RP1: variants seen among roughly 807,000 people sequenced by gnomAD.
The protein encoded by RP1 is oxygen-regulated protein 1.
A neutral mutation model predicts 14.8 loss-of-function variants in RP1; 16 were observed. The observed-to-expected ratio is 1.08, with a 90% CI of 0.73 to 1.65. RP1 has a LOEUF of 1.65. RP1 is among the 40% of genes most tolerant of loss of function. RP1 has a pLI of 0.00. For missense variants in RP1, 2,631 were observed against 2,535.0 expected (o/e 1.04, Z -0.81); for synonymous variants, 876 against 883.6 (o/e 0.99, Z 0.15).
chr8:54,573,638 G>A (rs936890468), intron 1 of RP1, among the ~76,000 whole-genome samples: 2 of 152,256 alleles, frequency 1.3e-5, no homozygotes, highest in Admixed American at 6.5e-5. Context: ...AATACAAGAA[G>A]TCCCACTCAA....
chr8:54,614,801 C>T (rs866793413), upstream of RP1, among the ~76,000 whole-genome samples: 1 of 152,132 alleles, frequency 6.6e-6, no homozygotes, highest in Non-Finnish European at 1.5e-5. Flanking sequence ...GGCCCTGGCC[C>T]ACCTTTGATA....
At chr8:54,791,227 C>G (rs539722566) in intron 24 of RP1, among the ~76,000 whole-genome samples, 1 of 152,010 alleles carries the variant, frequency 6.6e-6, no homozygotes, top group South Asian at 2.1e-4. Flanking sequence ...AACCTGCCAA[C>G]CAAGAATACT....
At chr8:54,817,879 G>T (rs1811171212) in intron 24 of RP1, among the ~76,000 whole-genome samples, 1 of 152,108 alleles carries the variant, frequency 6.6e-6, no homozygotes, top group Non-Finnish European at 1.5e-5. Context: ...AGTTCCACTA[G>T]CAGAGAAAGT....
rs764736213 is a variant in RP1 at position 54,720,149 on chromosome 8, T to C, written c.2232T>C (p.Cys744=). Residue 744 remains cysteine, a synonymous_variant, in exon 16 of 23, where the codon TGT becomes TGC. Transcript: ENST00000636932. ...TGTAGGGTACAGGAGATGTTGACTG[T>C]CATTTTAAAATTAAGAAGAACTTGA... 20 of 1,534,846 alleles carry C rather than the reference T, an allele frequency of 1.3e-5. 1 individual carries two copies. In the South Asian group the frequency reaches 2.4e-4, roughly 18 times the overall value.
chr8:54,621,065 T>C lies in RP1; in HGVS notation c.99T>C (p.Val33=), dbSNP rs1479022361. 1 of 1,614,142 alleles carries C rather than the reference T, an allele frequency of 6.2e-7. No individual in the cohort carries two copies. Among genetic ancestry groups the C allele is most frequent in the African/African-American group, 1.3e-5 (1 of 75,050 alleles). Residue 33 remains valine (V), a synonymous_variant, in exon 2 of 4, where the codon GTT becomes GTC. Transcript: ENST00000220676. ...GCCATTTGAGCCTCACTCATCCTGT[T>C]GTGGCCAAGCGAATCAGTTTCTACA... ...PPRHLSLTHP[V]VAKRISFYKS... is the part of the protein sequence containing the mutation.
intron 5 of RP1, among the ~76,000 whole-genome samples, chr8:54,655,429 A>G (rs1806734200): frequency 7.5e-6 from 1 of 133,888 alleles, no homozygotes; most frequent in Non-Finnish European, 1.7e-5. Flanking sequence ...ATTCTTGTTT[A>G]ACTCCAGGAT....
chr8:54,756,545 A>T (rs1809511457), intron 21 of RP1, among the ~76,000 whole-genome samples: 1 of 152,218 alleles, frequency 6.6e-6, no homozygotes, highest in African/African-American at 2.4e-5. Flanking sequence ...TGAATAGGAA[A>T]GCCAGTTCTG....
Position 54,724,308 on chromosome 8 carries a change from C to A in RP1, c.2390-2037C>A, listed in dbSNP as rs185905038. ...ATAATTGCTATTATGTAAGTTTTCACTTGTTTTACTTTTAAAATAGAAGGT... is the reference window on the plus strand; with the variant it reads ...ATAATTGCTATTATGTAAGTTTTCAATTGTTTTACTTTTAAAATAGAAGGT... On this transcript the variant is annotated intron_variant, in intron 16 of 22. Coordinates refer to the RP1 transcript ENST00000636932. 3.0e-3 allele frequency among the ~76,000 whole-genome samples: 456 copies of A among 152,284 alleles called. 1 individual carries two copies. The highest frequency in any genetic ancestry group is 6.8e-3 in the Middle Eastern group (2 of 294).
At chr8:54,785,082 A>G (rs1325306765) in intron 24 of RP1, among the ~76,000 whole-genome samples, 1 of 152,080 alleles carries the variant, frequency 6.6e-6, no homozygotes, top group Non-Finnish European at 1.5e-5. Flanking sequence ...CAATCCTGTG[A>G]ATGTACTAAA....
At chr8:54,816,918 T>C (rs149005930) in intron 24 of RP1, among the ~76,000 whole-genome samples, 2 of 152,208 alleles carry the variant, frequency 1.3e-5, no homozygotes, top group Admixed American at 6.5e-5. Context: ...GAAATGGTTA[T>C]GGTAGTGAGC....
intron 26 of RP1, among the ~76,000 whole-genome samples, chr8:54,855,881 TCGCATACGGAGTGCATA>T (rs1374869750): frequency 6.6e-6 from 1 of 151,870 alleles, no homozygotes; most frequent in Non-Finnish European, 1.5e-5. Context: ...CTCGTATGCT[TCGCATACGGAGTGCATA>T]TTAGTATAAG....
At chr8:54,781,839 G>T (rs573004259) in intron 23 of RP1, among the ~76,000 whole-genome samples, 1 of 152,006 alleles carries the variant, frequency 6.6e-6, no homozygotes, top group Non-Finnish European at 1.5e-5. Context: ...CACCCTTAAG[G>T]CCTATGTCAT....
At chr8:54,665,699 T>C (rs1223107108) in intron 7 of RP1, among the ~76,000 whole-genome samples, 1 of 152,174 alleles carries the variant, frequency 6.6e-6, no homozygotes, top group African/African-American at 2.4e-5. Context: ...TCATCAGTTC[T>C]TAGAGACAGG....
chr8:54,751,265 A>G (rs1809363021), intron 19 of RP1, among the ~76,000 whole-genome samples: 1 of 152,206 alleles, frequency 6.6e-6, no homozygotes, highest in East Asian at 1.9e-4. Context: ...TACATAAGGC[A>G]CTTATCAACT....
At chr8:54,632,595 T>C (rs1337044268), downstream of RP1, among the ~76,000 whole-genome samples, 1 of 152,236 alleles carries the variant, frequency 6.6e-6, no homozygotes, top group African/African-American at 2.4e-5. Flanking sequence ...TCTTTACCTC[T>C]TACTAATTTC....
chr8:54,809,678 G>A (rs770357821), intron 24 of RP1, among the ~76,000 whole-genome samples: 3 of 152,170 alleles, frequency 2.0e-5, no homozygotes, highest in Non-Finnish European at 4.4e-5. Flanking sequence ...GAAAAAAATA[G>A]CACTCGCTCC....
chr8:54,672,601 T>G (rs567351405), intron 7 of RP1, among the ~76,000 whole-genome samples: 1 of 152,336 alleles, frequency 6.6e-6, no homozygotes, highest in South Asian at 2.1e-4. Context: ...TCTTGACATC[T>G]CTCCCTTCTT....
intron 15 of RP1, among the ~76,000 whole-genome samples, chr8:54,716,525 G>C (rs1376365741): frequency 6.6e-6 from 1 of 152,068 alleles, no homozygotes; most frequent in Non-Finnish European, 1.5e-5. Context: ...TATACCAATT[G>C]TGTTTAATTT....
chr8:54,578,165 C>T (rs950475095), intron 1 of RP1, among the ~76,000 whole-genome samples: 30 of 151,720 alleles, frequency 2.0e-4, no homozygotes, highest in African/African-American at 1.5e-4. Flanking sequence ...AATTATAGAG[C>T]GAGAAATGGG....
Sources: gnomAD v4.1 joint callset for allele counts (sites outside exome capture counted in the v4.1 genomes callset) on GRCh38, gnomAD v4.1.1 for gene constraint, MANE v1.5 for transcripts, NCBI Gene and HGNC (gene_info 2026-07-23, HGNC 2026-07-21) for gene names.